The following CRHR1 variants were observed in gnomAD, a reference collection of about 807,000 sequenced individuals.
The protein encoded by CRHR1 is corticotropin releasing hormone receptor 1, also known as corticotropin-releasing hormone receptor 1.
Under a neutral mutation model 56.0 loss-of-function variants are expected in CRHR1, and 28 were observed. That is an observed-to-expected ratio of 0.50 (90% CI 0.37 to 0.69). CRHR1 has a LOEUF of 0.69. Ranked by LOEUF, CRHR1 falls within the 30% of genes least tolerant of loss-of-function variation. The pLI, the probability that CRHR1 is intolerant of heterozygous loss-of-function variation, is 0.00. For missense variants in CRHR1, 376 were observed against 548.0 expected, an observed-to-expected ratio of 0.69 and a Z score of 3.13; for synonymous variants, 195 against 216.5, an observed-to-expected ratio of 0.90 and a Z score of 0.87.
At chr17:45,805,463 A>G (rs893822804) in intron 1 of CRHR1, among the ~76,000 whole-genome samples, 1 of 151,830 alleles carries the variant, frequency 6.6e-6, no homozygotes, top group African/African-American at 2.4e-5. Context: ...TCCCGATCTT[A>G]TTTTCCTGCT....
chr17:45,786,636 C>CT (rs34895436), intron 1 of CRHR1, among the ~76,000 whole-genome samples: 48,709 of 108,404 alleles, frequency 0.45, 12,014 homozygotes, highest in East Asian at 0.81. Flanking sequence ...AGAAAATATC[C>CT]TTTTTTTTTT....
chr17:45,805,543 G>C (rs1389405154), intron 1 of CRHR1, among the ~76,000 whole-genome samples: 2 of 152,204 alleles, frequency 1.3e-5, no homozygotes, highest in Admixed American at 6.5e-5. Flanking sequence ...TTTGCAGTTG[G>C]TACAGAAATG....
rs1415651655 is a variant in CRHR1 at position 45,807,021 on chromosome 17, T to C, written c.45T>C (p.Leu15=). The C allele has an allele frequency of 6.2e-7, 1 of 1,613,826 alleles. No individual in the cohort carries two copies. Among genetic ancestry groups the C allele is most frequent in the Non-Finnish European group, 8.5e-7 (1 of 1,179,988 alleles). Residue 15 remains leucine, a synonymous_variant, in exon 2 of 13, where the codon CTT becomes CTC. Transcript: ENST00000314537. ...PQLRLVKALL[L]LGLNPVSASL... ...TCCTGTGCCTGCAGGCCCTTCTCCTTCTGGGGCTGAACCCCGTCTCTGCCT... is the reference window on the plus strand; with the variant it reads ...TCCTGTGCCTGCAGGCCCTTCTCCTCCTGGGGCTGAACCCCGTCTCTGCCT...
At chr17:45,832,999 C>T in intron 8 of CRHR1, 139 bp from the exon 9 acceptor site, 2 of 739,390 alleles carry the variant, frequency 2.7e-6, no homozygotes, top group South Asian at 1.6e-5. Context: ...AGTGACTTGA[C>T]CTTCTGCCAG....
intron 1 of CRHR1, among the ~76,000 whole-genome samples, chr17:45,795,234 G>C (rs1173417724): frequency 6.6e-6 from 1 of 152,130 alleles, no homozygotes; most frequent in Non-Finnish European, 1.5e-5. Context: ...GTGCAATCCA[G>C]GTCCTCTTCC....
Position 45,833,855 on chromosome 17 carries a change from G to A in CRHR1, c.1065+6G>A, listed in dbSNP as rs898104834. The stretch of plus-strand genomic sequence containing the variant: ...CCTTCCTGGAATCCTTCCAGGTACA[G>A]CCCTGGAGGGACACATCAGCACCTC... On this transcript the variant is annotated splice_donor_region_variant and intron_variant, in intron 11 of 12. Coordinates refer to ENST00000314537, the MANE Select transcript of CRHR1 (RefSeq NM_004382.5). 1.2e-6 allele frequency: 2 copies of A among 1,613,192 alleles called. No homozygotes were observed. Among genetic ancestry groups the A allele is most frequent in the Non-Finnish European group, 1.7e-6 (2 of 1,179,994 alleles).
intron 3 of CRHR1, among the ~76,000 whole-genome samples, chr17:45,821,093 C>T (rs111739681): frequency 0.14 from 21,844 of 152,310 alleles, 2,142 homozygotes; most frequent in Middle Eastern, 0.22. Context: ...GTCCACGGGC[C>T]AGTCCTGTGG....
chr17:45,833,570 C>G (rs1568074453), intron 10 of CRHR1, 33 bp downstream of exon 10: 1 of 1,605,314 alleles, frequency 6.2e-7, no homozygotes, highest in Admixed American at 1.7e-5. Flanking sequence ...AGGCCTCCCC[C>G]TGATGAAACC....
intron 1 of CRHR1, among the ~76,000 whole-genome samples, chr17:45,790,763 G>A (rs1456531117): frequency 2.0e-5 from 3 of 152,310 alleles, no homozygotes; most frequent in East Asian, 1.9e-4. Flanking sequence ...CAGTCACTTC[G>A]TGGCTGCAGA....
chr17:45,812,595 G>C (rs1202373041), intron 2 of CRHR1, among the ~76,000 whole-genome samples: 2 of 152,178 alleles, frequency 1.3e-5, no homozygotes, highest in Non-Finnish European at 2.9e-5. Flanking sequence ...TAGCCATCAA[G>C]CTGAGTGACA....
intron 1 of CRHR1, among the ~76,000 whole-genome samples, chr17:45,804,669 A>G (rs7222658): frequency 0.084 from 12,787 of 152,078 alleles, 594 homozygotes; most frequent in African/African-American, 0.1. Flanking sequence ...AGAGGAGTCC[A>G]GGGAAGAGAG....
intron 1 of CRHR1, among the ~76,000 whole-genome samples, chr17:45,797,415 C>T (rs912437003): frequency 8.4e-4 from 128 of 151,602 alleles, no homozygotes; most frequent in South Asian, 2.1e-4. Context: ...CTCAGCCTCC[C>T]GAGGAGCTGG....
At chr17:45,811,168 C>T (rs1468167906) in intron 2 of CRHR1, among the ~76,000 whole-genome samples, 2 of 152,268 alleles carry the variant, frequency 1.3e-5, no homozygotes, top group Non-Finnish European at 2.9e-5. Context: ...GCCAAGCACA[C>T]GTGGACCCTG....
At chr17:45,810,885 C>A (rs1163132413) in intron 2 of CRHR1, among the ~76,000 whole-genome samples, 1 of 152,246 alleles carries the variant, frequency 6.6e-6, no homozygotes, top group African/African-American at 2.4e-5. Flanking sequence ...GGGACCCAGG[C>A]AGAGGCCCTG....
At chr17:45,812,869 A>G (rs558355947) in intron 2 of CRHR1, among the ~76,000 whole-genome samples, 8 of 152,190 alleles carry the variant, frequency 5.3e-5, no homozygotes, top group Admixed American at 4.6e-4. Context: ...AGTGAGTGGC[A>G]TGAATTAAGT....
intron 1 of CRHR1, among the ~76,000 whole-genome samples, chr17:45,801,814 A>G (rs745390720): frequency 6.6e-6 from 1 of 152,214 alleles, no homozygotes; most frequent in Non-Finnish European, 1.5e-5. Context: ...ATTTCAGAGA[A>G]GATGACATGT....
At chr17:45,827,976 C>G (rs907560612) in intron 4 of CRHR1, 2 of 152,236 alleles carry the variant, frequency 1.3e-5, no homozygotes, top group Non-Finnish European at 2.9e-5. Flanking sequence ...TGTCACCCAC[C>G]TTTGTGCCTC....
chr17:45,810,433 CT>C (rs1275426430), intron 2 of CRHR1, among the ~76,000 whole-genome samples: 2 of 152,164 alleles, frequency 1.3e-5, no homozygotes, highest in Non-Finnish European at 2.9e-5. Flanking sequence ...GAACCTAAGG[CT>C]CAGAGAAGTT....
In CRHR1 at chr17:45,834,997, C is replaced by T. The variant is rs1372345273; in HGVS notation, c.*233C>T. ...GGCCGGGCCCAGGGCCTCTGGCTTC[C>T]CTGCCCAATCCTCCCTGGAGAAGGG... On this transcript the variant is annotated 3_prime_UTR_variant, in exon 13 of 13. Transcript: ENST00000314537. The T allele has an allele frequency of 1.0e-5, 6 of 571,950 alleles. No individual in the cohort carries two copies. The highest frequency in any genetic ancestry group is 2.8e-5 in the East Asian group (1 of 35,116). The allele number at this position is 571,950 out of a possible 1,614,324, so 35.4% of individuals were successfully genotyped here. A position where few individuals can be genotyped will look rare whatever the true frequency, so the allele number is the denominator to read the frequency against.
Sources: allele counts gnomAD v4.1 joint callset (sites outside exome capture counted in the v4.1 genomes callset), GRCh38; gene constraint gnomAD v4.1.1; transcripts MANE v1.5; gene names NCBI Gene and HGNC (gene_info 2026-07-23, HGNC 2026-07-21).